The following CNTN4 variants were observed in gnomAD, a reference collection of about 807,000 sequenced individuals.
CNTN4 encodes contactin-4.
In CNTN4, 77 loss-of-function variants were observed where a neutral mutation model predicts 122.5. The ratio of observed to expected loss-of-function variants is 0.63; its 90% CI spans 0.52 to 0.76. CNTN4 has a LOEUF of 0.76. CNTN4 is among the 30% of genes least tolerant of loss of function. CNTN4 has a pLI of 0.00. For missense variants in CNTN4, 1,256 were observed against 1,259.1 expected (o/e 1.00, Z 0.04); for synonymous variants, 512 against 447.0 (o/e 1.15, Z -1.83).
intron 4 of CNTN4, among the ~76,000 whole-genome samples, chr3:2,680,596 T>C (rs1321901301): frequency 1.3e-5 from 2 of 152,182 alleles, no homozygotes; most frequent in Admixed American, 1.3e-4. Flanking sequence ...TCACAGCATA[T>C]TTGACAAACT....
At chr3:2,840,461 G>C (rs551687477) in intron 7 of CNTN4, among the ~76,000 whole-genome samples, 88 of 150,360 alleles carry the variant, frequency 5.9e-4, no homozygotes, top group African/African-American at 1.7e-3. Flanking sequence ...AGCACTTTGG[G>C]AGGCCGAGGC....
chr3:3,043,829 C>T lies in CNTN4; in HGVS notation c.2811+125C>T, dbSNP rs575410402. On this transcript the variant is annotated intron_variant, in intron 23 of 24. Transcript: ENST00000418658. ...TGATGCTCTCCTACCCTCTAGGAAT[C>T]GCTGCCTCCAACACGGTTTGATCTG... 451 of 725,424 alleles carry T rather than the reference C, an allele frequency of 6.2e-4. 3 individuals carry two copies. Among genetic ancestry groups the T allele is most frequent in the South Asian group, 5.3e-3 (356 of 67,038 alleles). The allele number at this position is 725,424 out of a possible 1,614,324, so 44.9% of individuals were successfully genotyped here. A position where few individuals can be genotyped will look rare whatever the true frequency, so the allele number is the denominator to read the frequency against.
At chr3:3,010,506 A>C (rs78393486) in intron 14 of CNTN4, among the ~76,000 whole-genome samples, 2 of 151,884 alleles carry the variant, frequency 1.3e-5, no homozygotes, top group South Asian at 4.1e-4. Context: ...TGTTTAAAAA[A>C]GTTTTAGAAG....
In CNTN4 at chr3:2,155,344, A is replaced by G. The variant is rs114190649; in HGVS notation, c.-145+54705A>G. ...AGGGGTGTGGGACGCCTGGTGCCAC[A>G]GGACATGTGAACACAGATTATCCGT... On this transcript the variant is annotated intron_variant, in intron 2 of 24. Transcript: ENST00000418658. Among the ~76,000 whole-genome samples the G allele has an allele frequency of 7.7e-3, 1,177 of 152,268 alleles. 17 individuals carry two copies. Among genetic ancestry groups the G allele is most frequent in the African/African-American group, 0.027 (1,103 of 41,544 alleles).
intron 2 of CNTN4, among the ~76,000 whole-genome samples, chr3:2,160,487 T>G (rs2035913078): frequency 6.6e-6 from 1 of 152,204 alleles, no homozygotes; most frequent in Admixed American, 6.5e-5. Context: ...TCAAAAATTT[T>G]AAAATGAAGA....
At chr3:2,852,117 T>C (rs528789918) in intron 7 of CNTN4, among the ~76,000 whole-genome samples, 46 of 152,360 alleles carry the variant, frequency 3.0e-4, no homozygotes, top group African/African-American at 1.1e-3. Flanking sequence ...ATTAATTTTA[T>C]AATTTTTGCT....
Position 2,167,819 on chromosome 3 carries a change from C to T in CNTN4, c.-145+67180C>T, listed in dbSNP as rs144912193. Among the ~76,000 whole-genome samples the T allele has an allele frequency of 2.6e-3, 391 of 152,300 alleles. 2 individuals carry two copies. Among genetic ancestry groups the T allele is most frequent in the Non-Finnish European group, 4.7e-3 (320 of 68,034 alleles). On this transcript the variant is annotated intron_variant, in intron 2 of 24. Transcript: ENST00000418658. ...CTAATAGTATATGATGTTTCCCTTT[C>T]CTCGTTTGAGAACCCCTGGTTTGAA...
At chr3:2,668,266 C>A (rs1438848012) in intron 4 of CNTN4, among the ~76,000 whole-genome samples, 3 of 150,898 alleles carry the variant, frequency 2.0e-5, no homozygotes, top group Non-Finnish European at 2.9e-5. Context: ...CTTTTATTTC[C>A]TTGAGCAGTG....
At position 2,975,908 on chromosome 3, in the gene CNTN4, T is replaced by C. The variant is rs181439599; in HGVS notation, c.1359-12437T>C. On this transcript the variant is annotated intron_variant, in intron 13 of 24. Coordinates refer to ENST00000418658, the MANE Select transcript of CNTN4 (RefSeq NM_175607.3). ...TCATCCTCACAATGCCTTATGGAAT[T>C]ATGTTGAAATTGTCTCAGGTCCTAA... is the stretch of plus-strand genomic sequence containing the variant. 2.1e-3 allele frequency among the ~76,000 whole-genome samples: 316 copies of C among 152,318 alleles called. 3 individuals are homozygous for C. The highest frequency in any genetic ancestry group is 7.0e-3 in the African/African-American group (293 of 41,580).
chr3:2,422,216 A>C (rs1041095439), intron 3 of CNTN4, among the ~76,000 whole-genome samples: 6 of 152,224 alleles, frequency 3.9e-5, no homozygotes, highest in African/African-American at 1.4e-4. Flanking sequence ...AATTTGTGTT[A>C]TCCCCTGCTC....
At chr3:2,157,134 C>T (rs2035756397) in intron 2 of CNTN4, among the ~76,000 whole-genome samples, 1 of 152,110 alleles carries the variant, frequency 6.6e-6, no homozygotes, top group African/African-American at 2.4e-5. Context: ...TCTGAAATTT[C>T]TGTCTTACAC....
intron 2 of CNTN4, among the ~76,000 whole-genome samples, chr3:2,323,820 C>A (rs2043353294): frequency 6.6e-6 from 1 of 152,106 alleles, no homozygotes; most frequent in African/African-American, 2.4e-5. Flanking sequence ...CTAATACAAA[C>A]AATTTTGGGA....
chr3:2,687,039 G>A (rs532754029), intron 4 of CNTN4, among the ~76,000 whole-genome samples: 1 of 152,180 alleles, frequency 6.6e-6, no homozygotes, highest in Non-Finnish European at 1.5e-5. Flanking sequence ...GCCACAGGTG[G>A]CCATGACTTG....
chr3:2,809,591 G>A (rs2092556221), intron 6 of CNTN4, among the ~76,000 whole-genome samples: 1 of 152,174 alleles, frequency 6.6e-6, no homozygotes, highest in Non-Finnish European at 1.5e-5. Flanking sequence ...TGTTGTGTAA[G>A]TATGAAACCA....
intron 2 of CNTN4, among the ~76,000 whole-genome samples, chr3:2,193,249 A>G (rs563763411): frequency 6.6e-6 from 1 of 151,972 alleles, no homozygotes; most frequent in Admixed American, 6.6e-5. Context: ...ATATCCTAGC[A>G]TCTATGGCAT....
intron 2 of CNTN4, among the ~76,000 whole-genome samples, chr3:2,254,852 G>A (rs1036777506): frequency 2.0e-5 from 3 of 152,148 alleles, no homozygotes; most frequent in Admixed American, 6.5e-5. Flanking sequence ...TCACTCTGAT[G>A]ATAGTTTCTT....
intron 2 of CNTN4, among the ~76,000 whole-genome samples, chr3:2,123,619 G>T (rs918237659): frequency 6.6e-6 from 1 of 152,118 alleles, no homozygotes; most frequent in East Asian, 1.9e-4. Flanking sequence ...CTGACATCTC[G>T]CAAGATTAAT....
At chr3:2,574,419 A>G (rs1258405250) in intron 4 of CNTN4, among the ~76,000 whole-genome samples, 2 of 152,032 alleles carry the variant, frequency 1.3e-5, no homozygotes, top group Non-Finnish European at 2.9e-5. Context: ...CAAGTAAGAC[A>G]GGATCCAAAT....
rs565097664 is a variant in CNTN4 at position 2,397,914 on chromosome 3, T to A, written c.-89+58681T>A. On this transcript the variant is annotated intron_variant, in intron 3 of 24. Coordinates refer to ENST00000418658, the MANE Select transcript of CNTN4 (RefSeq NM_175607.3). ...AGATTACATTTTTTAACAAATTATT[T>A]TATGGGGTTGAATTTGGTCTAAGAA... is the stretch of plus-strand genomic sequence containing the variant. Among the ~76,000 whole-genome samples, 16 of 152,230 alleles carry A rather than the reference T, an allele frequency of 1.1e-4. No homozygotes were observed. In the South Asian group the frequency reaches 2.1e-3, roughly 20 times the overall value.
Sources: allele counts gnomAD v4.1 joint callset (sites outside exome capture counted in the v4.1 genomes callset), GRCh38; gene constraint gnomAD v4.1.1; transcripts MANE v1.5; gene names NCBI Gene and HGNC (gene_info 2026-07-23, HGNC 2026-07-21).